Variants in AGPAT5 observed in about 807,000 individuals in gnomAD.
The protein encoded by AGPAT5 is 1-acylglycerol-3-phosphate O-acyltransferase 5, also known as 1-acyl-sn-glycerol-3-phosphate acyltransferase epsilon.
AGPAT5 carries 46 observed loss-of-function variants against 45.6 expected under a neutral mutation model. The observed-to-expected ratio is 1.01, with a 90% CI of 0.80 to 1.29. The LOEUF (loss-of-function observed/expected upper bound fraction) is 1.29, where lower values mean the gene tolerates loss of function less well. Ranked by LOEUF, AGPAT5 falls within the 50% of genes most tolerant of loss-of-function variation. The probability of loss-of-function intolerance (pLI) is 0.00; values close to 1 mark genes in which losing one functional copy is unlikely to be tolerated. For missense variants in AGPAT5, 673 were observed against 450.7 expected (o/e 1.49, Z -4.47); for synonymous variants, 272 against 167.0 (o/e 1.63, Z -4.85).
At chr8:6,711,369 G>T (rs933793367) in intron 1 of AGPAT5, among the ~76,000 whole-genome samples, 2 of 152,176 alleles carry the variant, frequency 1.3e-5, no homozygotes, top group Non-Finnish European at 2.9e-5. Context: ...AAATATTTCA[G>T]TCAGTGCTGC....
Position 6,720,376 on chromosome 8 carries a change from C to G in AGPAT5, c.220-4494C>G, listed in dbSNP as rs559284660. Reference sequence around the variant, plus strand: ...GGGTTATTTTTAAAGGTAATGAAAACTACATCAGTGTAATTCCAGCATCAT... The same window carrying G: ...GGGTTATTTTTAAAGGTAATGAAAAGTACATCAGTGTAATTCCAGCATCAT... On this transcript the variant is annotated intron_variant, in intron 1 of 7. Coordinates refer to ENST00000285518, the MANE Select transcript of AGPAT5 (RefSeq NM_018361.5). 2.0e-5 allele frequency among the ~76,000 whole-genome samples: 3 copies of G among 152,262 alleles called. No individual in the cohort carries two copies. The South Asian group carries it at 6.2e-4, about 32-fold the overall frequency.
chr8:6,716,624 G>A (rs1204843703), intron 1 of AGPAT5, among the ~76,000 whole-genome samples: 5 of 152,032 alleles, frequency 3.3e-5, no homozygotes, highest in East Asian at 3.9e-4. Flanking sequence ...ACCTGAGGTC[G>A]GGAGTTCGAG....
At chr8:6,755,226 A>G in intron 7 of AGPAT5, 52 bp downstream of exon 7, 1 of 1,554,628 alleles carries the variant, frequency 6.4e-7, no homozygotes, top group Non-Finnish European at 8.7e-7. Flanking sequence ...ACTAGATTTC[A>G]GTATAGTCAA....
rs138445936 is a variant in AGPAT5 at position 6,718,668 on chromosome 8, A to T, written c.220-6202A>T. Among the ~76,000 whole-genome samples the T allele has an allele frequency of 2.5e-3, 376 of 152,324 alleles. 1 individual carries two copies. Among genetic ancestry groups the T allele is most frequent in the Middle Eastern group, 0.024 (7 of 294 alleles). Reference sequence around the variant, plus strand: ...TACTAGTATTTTTACAAATTTCACAAGACATTCTTACTGGAAGATTGCCCT... The same window carrying T: ...TACTAGTATTTTTACAAATTTCACATGACATTCTTACTGGAAGATTGCCCT... On this transcript the variant is annotated intron_variant, in intron 1 of 7. Coordinates refer to ENST00000285518, the MANE Select transcript of AGPAT5 (RefSeq NM_018361.5).
intron 1 of AGPAT5, among the ~76,000 whole-genome samples, chr8:6,718,395 G>A (rs769621830): frequency 1.3e-5 from 2 of 152,172 alleles, no homozygotes; most frequent in Admixed American, 6.5e-5. Context: ...GTGTACAGTC[G>A]TGACCTCACA....
At chr8:6,724,096 C>A (rs1045551806) in intron 1 of AGPAT5, among the ~76,000 whole-genome samples, 4 of 152,150 alleles carry the variant, frequency 2.6e-5, no homozygotes, top group Non-Finnish European at 5.9e-5. Context: ...AGCAGAAGGA[C>A]TAATACAGGT....
chr8:6,746,368 T>C (rs940594526), intron 5 of AGPAT5: 2 of 152,240 alleles, frequency 1.3e-5, no homozygotes, highest in Non-Finnish European at 2.9e-5. Flanking sequence ...AAAACATTCA[T>C]GATAATTCAT....
At chr8:6,735,072 C>G (rs1035366502) in intron 4 of AGPAT5, among the ~76,000 whole-genome samples, 3 of 152,176 alleles carry the variant, frequency 2.0e-5, no homozygotes, top group Non-Finnish European at 2.9e-5. Flanking sequence ...TAGGGAGAAT[C>G]TCAGGGGTGG....
intron 1 of AGPAT5, among the ~76,000 whole-genome samples, chr8:6,720,099 G>A (rs1800452873): frequency 6.6e-6 from 1 of 152,130 alleles, no homozygotes; most frequent in African/African-American, 2.4e-5. Context: ...ATGATGTAGT[G>A]GAAGAAGTGC....
chr8:6,709,111 A>T, intron 1 of AGPAT5: 1 of 599,730 alleles, frequency 1.7e-6, no homozygotes, highest in African/African-American at 1.9e-5. Flanking sequence ...TACGAGTGGG[A>T]CCCGCCGCCC....
At chr8:6,717,799 C>T (rs1800380254) in intron 1 of AGPAT5, among the ~76,000 whole-genome samples, 2 of 147,798 alleles carry the variant, frequency 1.4e-5, no homozygotes, top group South Asian at 4.1e-4. Context: ...TAATTTTACT[C>T]CTTGTAATTC....
intron 5 of AGPAT5, among the ~76,000 whole-genome samples, chr8:6,742,918 G>C (rs577971436): frequency 6.6e-5 from 10 of 152,046 alleles, no homozygotes; most frequent in African/African-American, 2.2e-4. Context: ...ATGACGTTCT[G>C]TCATTTCAGT....
At chr8:6,717,350 A>G (rs1034053286) in intron 1 of AGPAT5, among the ~76,000 whole-genome samples, 2 of 152,210 alleles carry the variant, frequency 1.3e-5, no homozygotes, top group South Asian at 4.1e-4. Flanking sequence ...CCAGCTTGGC[A>G]TGAGAATTCC....
intron 1 of AGPAT5, among the ~76,000 whole-genome samples, chr8:6,718,404 C>G (rs550424253): frequency 1.3e-5 from 2 of 152,202 alleles, no homozygotes; most frequent in African/African-American, 4.8e-5. Context: ...CGTGACCTCA[C>G]ATTTCCAATT....
intron 5 of AGPAT5, among the ~76,000 whole-genome samples, chr8:6,744,739 C>G (rs1443490126): frequency 6.6e-6 from 1 of 152,210 alleles, no homozygotes; most frequent in Non-Finnish European, 1.5e-5. Flanking sequence ...TGGCTGATTT[C>G]TAATCTCTCT....
At position 6,724,981 on chromosome 8, in the gene AGPAT5, T is replaced by C; in HGVS notation, c.289+42T>C. The C allele has an allele frequency of 3.9e-6, 3 of 778,546 alleles. No individual in the cohort carries two copies. In the South Asian group the frequency reaches 1.5e-4, roughly 40 times the overall value. 48.2% of individuals were successfully genotyped at this position (778,546 alleles called of 1,614,324 possible). A position where few individuals can be genotyped will look rare whatever the true frequency, so the allele number is the denominator to read the frequency against. On this transcript the variant is annotated intron_variant, in intron 2 of 7. Transcript: ENST00000285518. ...CATGAAACATAGGTTTTTCTACAGA[T>C]GGCACATGGGCATTCAAAATACCGT...
intron 4 of AGPAT5, among the ~76,000 whole-genome samples, chr8:6,739,274 G>GT (rs1801158205): frequency 6.6e-6 from 1 of 151,918 alleles, no homozygotes; most frequent in African/African-American, 2.4e-5. Context: ...GCTATTTTAG[G>GT]TTTTTTGCAT....
At chr8:6,732,274 ATG>A (rs950777746) in intron 3 of AGPAT5, among the ~76,000 whole-genome samples, 4 of 152,252 alleles carry the variant, frequency 2.6e-5, no homozygotes, top group Non-Finnish European at 4.4e-5. Flanking sequence ...ATTTTTAAAA[ATG>A]TGTATTTAAG....
chr8:6,757,421 T>G lies in AGPAT5; in HGVS notation c.*33T>G. On this transcript the variant is annotated 3_prime_UTR_variant, in exon 8 of 8. Coordinates refer to ENST00000285518, the MANE Select transcript of AGPAT5 (RefSeq NM_018361.5). ...GCTGTCTCCAGACAGTGGGATGTGC[T>G]ACATTGTCTATTTTTGGCGGCTGCA... 6.4e-7 allele frequency: 1 copy of G among 1,561,358 alleles called. No homozygotes were observed. Among genetic ancestry groups the G allele is most frequent in the Non-Finnish European group, 8.8e-7 (1 of 1,134,762 alleles).
Sources: allele counts gnomAD v4.1 joint callset (sites outside exome capture counted in the v4.1 genomes callset), GRCh38; gene constraint gnomAD v4.1.1; transcripts MANE v1.5; gene names NCBI Gene and HGNC (gene_info 2026-07-23, HGNC 2026-07-21).